The following ADAMTS16 variants were observed in gnomAD, a reference collection of about 807,000 sequenced individuals.
ADAMTS16 encodes ADAM metallopeptidase with thrombospondin type 1 motif 16.
Under a neutral mutation model 145.8 loss-of-function variants are expected in ADAMTS16, and 94 were observed. The ratio of observed to expected loss-of-function variants is 0.64; its 90% CI spans 0.55 to 0.77. The LOEUF (loss-of-function observed/expected upper bound fraction) is 0.77. Among genes scored for constraint, ADAMTS16 ranks in the 30% least tolerant of loss-of-function variants. The pLI is 0.00. For missense variants in ADAMTS16, 1,585 were observed against 1,591.5 expected (o/e 1.00, Z 0.07); for synonymous variants, 659 against 604.3 (o/e 1.09, Z -1.33).
chr5:5,300,577 T>C (rs1739728849), intron 18 of ADAMTS16, among the ~76,000 whole-genome samples: 1 of 152,222 alleles, frequency 6.6e-6, no homozygotes, highest in Non-Finnish European at 1.5e-5. Flanking sequence ...TACAAAATAA[T>C]TCAAGGCTTC....
At chr5:5,313,068 A>G (rs1410908457) in intron 21 of ADAMTS16, among the ~76,000 whole-genome samples, 1 of 152,246 alleles carries the variant, frequency 6.6e-6, no homozygotes, top group African/African-American at 2.4e-5. Context: ...TGTATCTTCA[A>G]TAGCTGTTGC....
intron 21 of ADAMTS16, among the ~76,000 whole-genome samples, chr5:5,313,828 G>A (rs2126535274): frequency 6.6e-6 from 1 of 152,338 alleles, no homozygotes; most frequent in Non-Finnish European, 1.5e-5. Context: ...AACCGATGAG[G>A]CTGGGTGAAC....
intron 8 of ADAMTS16, among the ~76,000 whole-genome samples, chr5:5,199,277 G>A (rs1735892986): frequency 6.6e-6 from 1 of 152,190 alleles, no homozygotes; most frequent in Non-Finnish European, 1.5e-5. Context: ...TTAAGGGAGT[G>A]TTAATTGGCA....
chr5:5,257,361 AATT>A (rs1396822537), intron 17 of ADAMTS16, among the ~76,000 whole-genome samples: 1 of 152,214 alleles, frequency 6.6e-6, no homozygotes, highest in Non-Finnish European at 1.5e-5. Context: ...ATGCTACTGA[AATT>A]ATAACAATGA....
Position 5,222,777 on chromosome 5 carries a change from A to G in ADAMTS16, c.1606-12A>G, listed in dbSNP as rs1347129953. 6.2e-7 allele frequency: 1 copy of G among 1,612,240 alleles called. No individual in the cohort carries two copies. Among genetic ancestry groups the G allele is most frequent in the Non-Finnish European group, 8.5e-7 (1 of 1,178,342 alleles). ...GATGTAATCCTAATGACCTTTTACAAAATTTCTTTAGGACATCTGTAAAGC... is the reference window on the plus strand; with the variant it reads ...GATGTAATCCTAATGACCTTTTACAGAATTTCTTTAGGACATCTGTAAAGC... On this transcript the variant is annotated splice_polypyrimidine_tract_variant and intron_variant, in intron 10 of 22. Coordinates refer to ENST00000274181, the MANE Select transcript of ADAMTS16 (RefSeq NM_139056.4).
chr5:5,199,203 C>G (rs1428028), intron 8 of ADAMTS16, among the ~76,000 whole-genome samples: 151,655 of 152,326 alleles, frequency 1, 75,493 homozygotes, highest in Middle Eastern at 1. Flanking sequence ...TTGCTGATGA[C>G]GGAGGTAGCA....
In ADAMTS16 at chr5:5,237,342, G is replaced by A. The variant is rs533796223; in HGVS notation, c.2154+243G>A. On this transcript the variant is annotated intron_variant, in intron 14 of 22. Transcript: ENST00000274181. ...TCTTAGATATGGGTCTGGGACATTC[G>A]TGGGGCTCCTAGGAGAAGGGAACAT... Among the ~76,000 whole-genome samples the A allele has an allele frequency of 5.3e-5, 8 of 152,262 alleles. No individual in the cohort carries two copies. In the South Asian group the frequency reaches 1.5e-3, roughly 28 times the overall value.
In ADAMTS16 at chr5:5,145,713, C is replaced by A. The variant is rs1734274969; in HGVS notation, c.176-417C>A. Among the ~76,000 whole-genome samples the A allele has an allele frequency of 1.3e-5, 2 of 152,130 alleles. 1 individual carries two copies. Among genetic ancestry groups the A allele is most frequent in the South Asian group, 4.1e-4 (2 of 4,832 alleles). ...ATAATTTGATTTCTTAAAGAGTAAT[C>A]ACCTTTTTATACACAATAAAATGTG... On this transcript the variant is annotated intron_variant, in intron 2 of 22. Coordinates refer to ENST00000274181, the MANE Select transcript of ADAMTS16 (RefSeq NM_139056.4).
chr5:5,212,175 C>T (rs1736287671), intron 10 of ADAMTS16, among the ~76,000 whole-genome samples: 2 of 149,118 alleles, frequency 1.3e-5, no homozygotes, highest in Non-Finnish European at 1.5e-5. Context: ...CATGTTAGTA[C>T]TATTAGTTTC....
At chr5:5,190,214 G>A in intron 7 of ADAMTS16, 84 bp downstream of exon 7, 2 of 1,427,624 alleles carry the variant, frequency 1.4e-6, no homozygotes, top group Non-Finnish European at 1.9e-6. Context: ...TTTTGCCCTT[G>A]TTCCTTGTTA....
At chr5:5,204,526 G>A (rs1013277347) in intron 9 of ADAMTS16, among the ~76,000 whole-genome samples, 7 of 152,186 alleles carry the variant, frequency 4.6e-5, no homozygotes, top group Admixed American at 3.9e-4. Flanking sequence ...TCCTGACATG[G>A]AACCCTGTGT....
At chr5:5,243,063 G>T (rs76772459) in intron 17 of ADAMTS16, among the ~76,000 whole-genome samples, 4,305 of 152,184 alleles carry the variant, frequency 0.028, 197 homozygotes, top group East Asian at 0.21. Context: ...GGTAGTGAAT[G>T]AACAAAAATA....
At chr5:5,211,246 T>C (rs11739704) in intron 10 of ADAMTS16, among the ~76,000 whole-genome samples, 27,801 of 152,046 alleles carry the variant, frequency 0.18, 3,064 homozygotes, top group Middle Eastern at 0.3. Context: ...TCAACTACAC[T>C]AATAGATAAA....
At chr5:5,291,196 A>AT (rs200773832) in intron 18 of ADAMTS16, among the ~76,000 whole-genome samples, 4,451 of 150,478 alleles carry the variant, frequency 0.03, 84 homozygotes, top group East Asian at 0.066. Context: ...TGTCTCTGTG[A>AT]TTTTTTTTTT....
intron 3 of ADAMTS16, among the ~76,000 whole-genome samples, chr5:5,168,632 TA>T (rs1456195492): frequency 1.9e-3 from 161 of 84,546 alleles, no homozygotes; most frequent in South Asian, 8.2e-3. Flanking sequence ...ATATTATATA[TA>T]ATATATATAA....
chr5:5,205,169 G>A (rs927524521), intron 9 of ADAMTS16, among the ~76,000 whole-genome samples: 8 of 151,550 alleles, frequency 5.3e-5, no homozygotes, highest in African/African-American at 1.2e-4. Flanking sequence ...TGGAATATAC[G>A]TATTATAAAA....
At chr5:5,148,274 G>A (rs1040653484) in intron 3 of ADAMTS16, among the ~76,000 whole-genome samples, 1 of 152,164 alleles carries the variant, frequency 6.6e-6, no homozygotes. Context: ...GAGGCTTAGT[G>A]TTTTCGTCAT....
chr5:5,251,560 A>C (rs1012242785), intron 17 of ADAMTS16, among the ~76,000 whole-genome samples: 1 of 152,232 alleles, frequency 6.6e-6, no homozygotes, highest in African/African-American at 2.4e-5. Context: ...CTGACTACAA[A>C]TATGTGTGCA....
At chr5:5,294,434 G>T (rs1333134663) in intron 18 of ADAMTS16, among the ~76,000 whole-genome samples, 2 of 152,198 alleles carry the variant, frequency 1.3e-5, no homozygotes, top group Non-Finnish European at 2.9e-5. Context: ...GGAAGGAGTT[G>T]CAGTTTTGCA....
Sources: gnomAD v4.1 joint callset for allele counts (sites outside exome capture counted in the v4.1 genomes callset) on GRCh38, gnomAD v4.1.1 for gene constraint, MANE v1.5 for transcripts, NCBI Gene and HGNC (gene_info 2026-07-23, HGNC 2026-07-21) for gene names.